The following LRRTM4 variants were observed in gnomAD, a reference collection of about 807,000 sequenced individuals.
LRRTM4 encodes the protein leucine rich repeat transmembrane neuronal 4.
In LRRTM4, 25 loss-of-function variants were observed where a neutral mutation model predicts 47.6. The ratio of observed to expected loss-of-function variants is 0.53; its 90% CI spans 0.38 to 0.73. The LOEUF (loss-of-function observed/expected upper bound fraction) is 0.73. Ranked by LOEUF, LRRTM4 falls within the 30% of genes least tolerant of loss-of-function variation. LRRTM4 has a pLI of 0.00. For synonymous variants in LRRTM4, 311 were observed against 269.5 expected (o/e 1.15, Z -1.51); for missense variants, 638 against 713.4 (o/e 0.89, Z 1.20).
intron 3 of LRRTM4, among the ~76,000 whole-genome samples, chr2:77,226,607 A>G (rs1165232469): frequency 6.6e-6 from 1 of 151,126 alleles, no homozygotes; most frequent in Non-Finnish European, 1.5e-5. Flanking sequence ...TCATTTTTAA[A>G]GAAAAGTTCA....
chr2:77,316,763 C>A (rs1407860183), intron 3 of LRRTM4, among the ~76,000 whole-genome samples: 1 of 152,116 alleles, frequency 6.6e-6, no homozygotes, highest in Non-Finnish European at 1.5e-5. Flanking sequence ...CCAGGCTAGT[C>A]TCAAACTCCT....
At chr2:76,806,173 G>A (rs1453111364) in intron 3 of LRRTM4, among the ~76,000 whole-genome samples, 1 of 152,152 alleles carries the variant, frequency 6.6e-6, no homozygotes, top group African/African-American at 2.4e-5. Context: ...AAATGAGTGG[G>A]AAAGGGCTTT....
intron 3 of LRRTM4, among the ~76,000 whole-genome samples, chr2:77,041,288 G>GTA (rs1679024390): frequency 6.6e-6 from 1 of 151,470 alleles, no homozygotes; most frequent in African/African-American, 2.4e-5. Context: ...ATTTTATTGT[G>GTA]TATATATACC....
At chr2:77,047,344 A>T (rs1679268196) in intron 3 of LRRTM4, among the ~76,000 whole-genome samples, 1 of 152,010 alleles carries the variant, frequency 6.6e-6, no homozygotes, top group African/African-American at 2.4e-5. Flanking sequence ...AGTGCAATAT[A>T]TTAGTTTGCC....
intron 3 of LRRTM4, among the ~76,000 whole-genome samples, chr2:76,881,422 A>G (rs780560392): frequency 2.7e-5 from 4 of 149,346 alleles, no homozygotes; most frequent in Non-Finnish European, 5.9e-5. Flanking sequence ...AATTTCTGCT[A>G]TTACCTAAGA....
chr2:77,351,094 C>G (rs1225830056), intron 3 of LRRTM4, among the ~76,000 whole-genome samples: 1 of 152,052 alleles, frequency 6.6e-6, no homozygotes. Flanking sequence ...CATGTAGGCT[C>G]CAGTGCCTAT....
At chr2:77,424,323 C>A (rs1675022112) in intron 3 of LRRTM4, among the ~76,000 whole-genome samples, 2 of 152,122 alleles carry the variant, frequency 1.3e-5, no homozygotes, top group Admixed American at 6.5e-5. Context: ...TTGAGAATTT[C>A]TCGAAATAAT....
At chr2:77,390,964 T>C (rs888980338) in intron 3 of LRRTM4, among the ~76,000 whole-genome samples, 1 of 151,752 alleles carries the variant, frequency 6.6e-6, no homozygotes, top group Admixed American at 6.6e-5. Context: ...AGAAAATATA[T>C]AATTTTTAGA....
At chr2:76,784,248 A>G (rs1674555340) in intron 3 of LRRTM4, among the ~76,000 whole-genome samples, 1 of 152,006 alleles carries the variant, frequency 6.6e-6, no homozygotes, top group South Asian at 2.1e-4. Flanking sequence ...TATTCAGATA[A>G]ATAAATCATA....
At chr2:76,808,328 T>G (rs565537327) in intron 3 of LRRTM4, among the ~76,000 whole-genome samples, 1 of 152,212 alleles carries the variant, frequency 6.6e-6, no homozygotes, top group African/African-American at 2.4e-5. Context: ...TATTTCTTAC[T>G]TATTCATGTA....
chr2:76,855,091 C>T (rs1353409669), intron 3 of LRRTM4, among the ~76,000 whole-genome samples: 3 of 152,088 alleles, frequency 2.0e-5, no homozygotes, highest in East Asian at 1.9e-4. Context: ...TGGATATCTG[C>T]GAGCGGAGCA....
At chr2:76,763,206 T>A (rs1184466221) in intron 3 of LRRTM4, among the ~76,000 whole-genome samples, 1 of 152,218 alleles carries the variant, frequency 6.6e-6, no homozygotes, top group Non-Finnish European at 1.5e-5. Flanking sequence ...ATACCCTTTG[T>A]CTAGTTAGTG....
In LRRTM4 at chr2:76,823,004, T is replaced by C. The variant is rs1471189502; in HGVS notation, c.1552-74088A>G. Among the ~76,000 whole-genome samples the C allele has an allele frequency of 5.9e-5, 9 of 151,620 alleles. No homozygotes were observed. In the Admixed American group the frequency reaches 5.9e-4, roughly 10 times the overall value. On this transcript the variant is annotated intron_variant, in intron 3 of 3. Transcript: ENST00000409884. ...GAAAAAATAATATACTTTAAGGTAG[T>C]ATTTAAAAATAATGCATTATGTCCA...
At chr2:77,102,360 C>A (rs1373036554) in intron 3 of LRRTM4, among the ~76,000 whole-genome samples, 1 of 152,160 alleles carries the variant, frequency 6.6e-6, no homozygotes, top group East Asian at 1.9e-4. Context: ...TTTGTTAATT[C>A]CACGTATTCC....
At chr2:76,885,655 C>T (rs567685638) in intron 3 of LRRTM4, among the ~76,000 whole-genome samples, 1 of 151,904 alleles carries the variant, frequency 6.6e-6, no homozygotes, top group Non-Finnish European at 1.5e-5. Flanking sequence ...TTAGTAGAGA[C>T]GGGGTTTCAC....
chr2:77,102,863 ACACT>A (rs1415891886), intron 3 of LRRTM4, among the ~76,000 whole-genome samples: 1 of 152,148 alleles, frequency 6.6e-6, no homozygotes, highest in Non-Finnish European at 1.5e-5. Flanking sequence ...AAATATAGTC[ACACT>A]CATTCATCTA....
chr2:77,304,693 C>G lies in LRRTM4; in HGVS notation c.1551+213625G>C, dbSNP rs544415171. ...GAGTTAATATAATAACTAGCATGTA[C>G]TAAGCAATTAGTATGTGATCAGTCA... On this transcript the variant is annotated intron_variant, in intron 3 of 3. Transcript: ENST00000409884. Among the ~76,000 whole-genome samples the G allele has an allele frequency of 7.0e-4, 107 of 152,204 alleles. 1 individual carries two copies. The highest frequency in any genetic ancestry group is 1.2e-3 in the Non-Finnish European group (83 of 67,964).
intron 2 of LRRTM4, among the ~76,000 whole-genome samples, chr2:77,520,160 A>G (rs1367323075): frequency 6.6e-6 from 1 of 152,044 alleles, no homozygotes; most frequent in Non-Finnish European, 1.5e-5. Context: ...CTTTCTCACC[A>G]CTGAATGCTG....
At chr2:77,139,843 G>A (rs903036636) in intron 3 of LRRTM4, among the ~76,000 whole-genome samples, 1 of 152,066 alleles carries the variant, frequency 6.6e-6, no homozygotes, top group African/African-American at 2.4e-5. Context: ...GACAAACAGA[G>A]AGCCAAATGA....
Sources: gnomAD v4.1 joint callset for allele counts (sites outside exome capture counted in the v4.1 genomes callset) on GRCh38, gnomAD v4.1.1 for gene constraint, MANE v1.5 for transcripts, NCBI Gene and HGNC (gene_info 2026-07-23, HGNC 2026-07-21) for gene names.